MFHAS1: variants seen among roughly 807,000 people sequenced by gnomAD.
The protein encoded by MFHAS1 is multifunctional ROCO family signaling regulator 1.
MFHAS1 carries 50 observed loss-of-function variants against 70.4 expected under a neutral mutation model. The ratio of observed to expected loss-of-function variants is 0.71; its 90% CI spans 0.57 to 0.90. The LOEUF is 0.90. MFHAS1 is among the 40% of genes least tolerant of loss of function. MFHAS1 has a pLI of 0.00. For missense variants in MFHAS1, 1,795 were observed against 1,347.6 expected (o/e 1.33, Z -5.20); for synonymous variants, 952 against 620.0 (o/e 1.54, Z -7.96).
At chr8:8,829,608 T>G (rs567387873) in intron 1 of MFHAS1, among the ~76,000 whole-genome samples, 2 of 152,096 alleles carry the variant, frequency 1.3e-5, no homozygotes, top group East Asian at 3.9e-4. Flanking sequence ...TTGAACCCAG[T>G]AGGTGGAGGT....
At chr8:8,887,894 C>G (rs1284055372) in intron 1 of MFHAS1, among the ~76,000 whole-genome samples, 1 of 151,142 alleles carries the variant, frequency 6.6e-6, no homozygotes, top group Admixed American at 6.6e-5. Flanking sequence ...AGCCTCGCCC[C>G]TAACTCCTCA....
chr8:8,823,994 G>C (rs991772053), intron 1 of MFHAS1, among the ~76,000 whole-genome samples: 2 of 147,146 alleles, frequency 1.4e-5, no homozygotes, highest in East Asian at 2.0e-4. Context: ...AAATAGGAGA[G>C]ATTTAATTTT....
chr8:8,805,965 G>T (rs906650946), intron 1 of MFHAS1, among the ~76,000 whole-genome samples: 3 of 152,222 alleles, frequency 2.0e-5, no homozygotes, highest in Admixed American at 6.5e-5. Flanking sequence ...CTCCCAAAGT[G>T]CTGGGATTAC....
At chr8:8,881,437 G>A (rs530536657) in intron 1 of MFHAS1, among the ~76,000 whole-genome samples, 181 of 152,292 alleles carry the variant, frequency 1.2e-3, no homozygotes, top group Non-Finnish European at 1.4e-3. Context: ...ACCAGCAGGT[G>A]TAACCTGTAC....
intron 1 of MFHAS1, among the ~76,000 whole-genome samples, chr8:8,843,054 A>C (rs1807895148): frequency 6.6e-6 from 1 of 151,374 alleles, no homozygotes; most frequent in South Asian, 2.1e-4. Context: ...TCATGAGGTC[A>C]GGAGATCGAG....
intron 2 of MFHAS1, among the ~76,000 whole-genome samples, chr8:8,794,897 G>C (rs1030679713): frequency 6.6e-6 from 1 of 152,212 alleles, no homozygotes; most frequent in Non-Finnish European, 1.5e-5. Flanking sequence ...TGTCGAGAGA[G>C]AGGCTGATAA....
At chr8:8,840,635 G>GA (rs1018713193) in intron 1 of MFHAS1, among the ~76,000 whole-genome samples, 1 of 152,112 alleles carries the variant, frequency 6.6e-6, no homozygotes, top group Non-Finnish European at 1.5e-5. Flanking sequence ...CAGTTCTTCT[G>GA]AAGGCACAAT....
At chr8:8,852,533 G>C (rs1808287312) in intron 1 of MFHAS1, among the ~76,000 whole-genome samples, 1 of 151,848 alleles carries the variant, frequency 6.6e-6, no homozygotes, top group Admixed American at 6.6e-5. Flanking sequence ...GTTTAGACCT[G>C]GTGCCTGCTG....
At chr8:8,844,316 G>C (rs776428814) in intron 1 of MFHAS1, among the ~76,000 whole-genome samples, 1 of 152,172 alleles carries the variant, frequency 6.6e-6, no homozygotes, top group East Asian at 1.9e-4. Context: ...TGGGAAAAAT[G>C]ACTCACAGGT....
At chr8:8,889,491 T>G (rs1191681761) in intron 1 of MFHAS1, among the ~76,000 whole-genome samples, 1 of 152,318 alleles carries the variant, frequency 6.6e-6, no homozygotes, top group African/African-American at 2.4e-5. Context: ...GTAAGCAGAG[T>G]GCTTAAATGC....
chr8:8,810,616 C>T (rs955785348), intron 1 of MFHAS1, among the ~76,000 whole-genome samples: 2 of 152,144 alleles, frequency 1.3e-5, no homozygotes, highest in African/African-American at 2.4e-5. Flanking sequence ...TTTTCTTTCC[C>T]CTAGCTTAGT....
rs769711715 is a variant in MFHAS1 at position 8,832,450 on chromosome 8, CACACAG to C, written c.2999-34965_2999-34960del. ...TCACACACACACACACACACACACA[CACACAG>C]AGCCAGTAACCACAGAAATGGCACA... On this transcript the variant is annotated intron_variant, in intron 1 of 2. Coordinates refer to ENST00000276282, the MANE Select transcript of MFHAS1 (RefSeq NM_004225.3). Among the ~76,000 whole-genome samples the C allele has an allele frequency of 4.7e-3, 702 of 148,082 alleles. 1 individual carries two copies. The highest frequency in any genetic ancestry group is 6.8e-3 in the Middle Eastern group (2 of 292).
At chr8:8,872,157 C>T (rs551515944) in intron 1 of MFHAS1, among the ~76,000 whole-genome samples, 38 of 152,266 alleles carry the variant, frequency 2.5e-4, no homozygotes, top group Non-Finnish European at 4.4e-4. Context: ...TGACTGTGCA[C>T]GGATATGAAC....
At position 8,890,649 on chromosome 8, in the gene MFHAS1, G is replaced by A. The variant is rs779260262; in HGVS notation, c.2410C>T (p.Arg804Trp). 6.8e-6 allele frequency: 11 copies of A among 1,613,472 alleles called. No homozygotes were observed. Among genetic ancestry groups the A allele is most frequent in the African/African-American group, 1.3e-5 (1 of 74,932 alleles). Reference sequence around the variant, plus strand: ...TGGACATGAGGCTTAAGCAGCAACCGAATGACATGAGCTGGCAAGAGCCCA... The same window carrying A: ...TGGACATGAGGCTTAAGCAGCAACCAAATGACATGAGCTGGCAAGAGCCCA... ...LHGLLPAHVI[R>W]LLLKPHVQAQ... The change falls in exon 1 of 3, where the codon CGG becomes TGG. Residue 804 changes from arginine to tryptophan, a missense_variant. Physicochemically the swap from Arg to Trp is moderately radical, Grantham distance 101 (BLOSUM62 -3). Transcript: ENST00000276282.
intron 1 of MFHAS1, among the ~76,000 whole-genome samples, chr8:8,835,418 G>A (rs969364148): frequency 6.6e-6 from 1 of 152,052 alleles, no homozygotes; most frequent in Non-Finnish European, 1.5e-5. Context: ...GCAGAGTTAC[G>A]AGATACCCAT....
chr8:8,792,563 G>A lies in MFHAS1; in HGVS notation c.3125+4802C>T, dbSNP rs180938885. 1.3e-3 allele frequency among the ~76,000 whole-genome samples: 204 copies of A among 152,244 alleles called. 2 individuals are homozygous for A. Among genetic ancestry groups the A allele is most frequent in the Non-Finnish European group, 2.3e-3 (154 of 68,030 alleles). Reference sequence around the variant, plus strand: ...GGAGGTTGTGGTGAGCCAAGATCACGCCACTGCACTCCAGCCTGGGCTACA... The same window carrying A: ...GGAGGTTGTGGTGAGCCAAGATCACACCACTGCACTCCAGCCTGGGCTACA... On this transcript the variant is annotated intron_variant, in intron 2 of 2. Transcript: ENST00000276282.
Position 8,892,737 on chromosome 8 carries a change from C to T in MFHAS1, c.322G>A (p.Glu108Lys), listed in dbSNP as rs1269111493. ...AGCTCGGTGAGGTGGTGGCCGAGCT[C>T]GGCCACCGCCGGGGGCAGCCGGGCG... ...RFARLPPAVAELGHHLTELDV... is the reference protein window; with the variant it reads ...RFARLPPAVAKLGHHLTELDV... Residue 108 changes from glutamate to lysine, a missense_variant, in exon 1 of 3, where the codon GAG (glutamate) becomes AAG (lysine). Glu to Lys is a moderately conservative substitution (Grantham distance 56, BLOSUM62 1). Coordinates refer to ENST00000276282, the MANE Select transcript of MFHAS1 (RefSeq NM_004225.3). This position sits in a 1 kb window ranked among gnomAD's most constrained non-coding sequence, Gnocchi z 4.7. 6.4e-7 allele frequency: 1 copy of T among 1,571,064 alleles called. No individual in the cohort carries two copies. The highest frequency in any genetic ancestry group is 8.6e-7 in the Non-Finnish European group (1 of 1,160,846).
Position 8,890,447 on chromosome 8 carries a change from G to C in MFHAS1, c.2612C>G (p.Ala871Gly). The C allele has an allele frequency of 6.2e-7, 1 of 1,613,896 alleles. No homozygotes were observed. The change falls in exon 1 of 3, where the codon GCT becomes GGT. Residue 871 changes from alanine (A) to glycine (G), a missense_variant. By Grantham distance (60) the Ala-to-Gly change is moderately conservative. Transcript: ENST00000276282. Reference sequence around the variant, plus strand: ...CTGCTCAGCCACAAAAGACTGCCCAGCTAGGTTGGTCCCATTAATCCAGGC... The same window carrying C: ...CTGCTCAGCCACAAAAGACTGCCCACCTAGGTTGGTCCCATTAATCCAGGC... Reference protein sequence around the residue: ...AEAWINGTNLAGQSFVAEQLQ... With the variant: ...AEAWINGTNLGGQSFVAEQLQ...
At chr8:8,857,871 G>A (rs1468637613) in intron 1 of MFHAS1, among the ~76,000 whole-genome samples, 4 of 152,200 alleles carry the variant, frequency 2.6e-5, no homozygotes, top group Non-Finnish European at 5.9e-5. Flanking sequence ...TTTCCCTGTA[G>A]AGTTGGGCAA....
Sources: allele counts gnomAD v4.1 joint callset (sites outside exome capture counted in the v4.1 genomes callset), GRCh38; gene constraint gnomAD v4.1.1; non-coding constraint Gnocchi (gnomAD v3.1); transcripts MANE v1.5; gene names NCBI Gene and HGNC (gene_info 2026-07-23, HGNC 2026-07-21).